RYK: variants seen among roughly 807,000 people sequenced by gnomAD.
RYK encodes the protein inactive tyrosine-protein kinase RYK.
RYK carries 21 observed loss-of-function variants against 70.2 expected under a neutral mutation model. The observed-to-expected ratio is 0.30, with a 90% CI of 0.21 to 0.43. The LOEUF (loss-of-function observed/expected upper bound fraction) is 0.43. Among genes scored for constraint, RYK ranks in the 20% least tolerant of loss-of-function variants. The probability of loss-of-function intolerance (pLI) is 1.00; values close to 1 mark genes in which losing one functional copy is unlikely to be tolerated. For missense variants in RYK, 604 were observed against 753.3 expected, an observed-to-expected ratio of 0.80 and a Z score of 2.32; for synonymous variants, 267 against 278.0, an observed-to-expected ratio of 0.96 and a Z score of 0.39.
At chr3:134,162,681 G>A (rs530001341) in intron 13 of RYK, among the ~76,000 whole-genome samples, 1 of 152,206 alleles carries the variant, frequency 6.6e-6, no homozygotes, top group Non-Finnish European at 1.5e-5. Context: ...ACTTTTTTCT[G>A]AGAAGCAACA....
chr3:134,173,301 A>G (rs547456456), intron 13 of RYK, among the ~76,000 whole-genome samples: 1 of 152,248 alleles, frequency 6.6e-6, no homozygotes, highest in Non-Finnish European at 1.5e-5. Context: ...AAATTTAAAA[A>G]TTATATAAGT....
intron 3 of RYK, among the ~76,000 whole-genome samples, chr3:134,210,042 A>G (rs1033645165): frequency 6.6e-6 from 1 of 152,236 alleles, no homozygotes; most frequent in Non-Finnish European, 1.5e-5. Flanking sequence ...TATGGATATA[A>G]AAGTTAGTAT....
At chr3:134,162,558 A>G (rs2012514984) in intron 13 of RYK, among the ~76,000 whole-genome samples, 1 of 152,148 alleles carries the variant, frequency 6.6e-6, no homozygotes, top group African/African-American at 2.4e-5. Flanking sequence ...ACCTACTGGG[A>G]CATTCTATTC....
intron 13 of RYK, among the ~76,000 whole-genome samples, chr3:134,165,268 T>C (rs890607600): frequency 1.3e-5 from 2 of 152,226 alleles, no homozygotes; most frequent in Non-Finnish European, 2.9e-5. Context: ...TTTTAGTAGC[T>C]TTTTTGTATA....
At chr3:134,223,054 T>C (rs4077643) in intron 1 of RYK, among the ~76,000 whole-genome samples, 46,647 of 152,142 alleles carry the variant, frequency 0.31, 8,601 homozygotes, top group Middle Eastern at 0.47. Flanking sequence ...GCATTTACCA[T>C]GGTACACACT....
At chr3:134,158,324 C>T in intron 14 of RYK, 60 bp from the exon 15 acceptor site, 1 of 1,108,222 alleles carries the variant, frequency 9.0e-7, no homozygotes, top group East Asian at 2.8e-5. Context: ...ATAACTTTTG[C>T]TCAGTTTGAT....
chr3:134,202,996 A>AATATGCTACTG, intron 5 of RYK, 122 bp from the exon 6 acceptor site: 2 of 740,286 alleles, frequency 2.7e-6, no homozygotes, highest in Non-Finnish European at 4.3e-6. Context: ...ATCAGTTACC[A>AATATGCTACTG]GTAGCATATT....
At chr3:134,203,354 C>T (rs2014091353) in intron 5 of RYK, among the ~76,000 whole-genome samples, 1 of 152,018 alleles carries the variant, frequency 6.6e-6, no homozygotes, top group Non-Finnish European at 1.5e-5. Flanking sequence ...CTATTCTTAC[C>T]AAAAGAGTTG....
intron 6 of RYK, chr3:134,202,486 C>G (rs1015588185): frequency 4.8e-6 from 2 of 417,598 alleles, no homozygotes; most frequent in African/African-American, 4.2e-5. Context: ...ATAGAAAAAA[C>G]TACTTGTTCT....
intron 9 of RYK, among the ~76,000 whole-genome samples, chr3:134,188,069 G>C (rs2108162075): frequency 6.6e-6 from 1 of 151,554 alleles, no homozygotes; most frequent in African/African-American, 2.4e-5. Context: ...TCAAACGCTG[G>C]CCCAAAAGAA....
intron 7 of RYK, among the ~76,000 whole-genome samples, chr3:134,193,351 T>C (rs1216994298): frequency 6.6e-6 from 1 of 152,058 alleles, no homozygotes; most frequent in African/African-American, 2.4e-5. Context: ...ACCCAGCTAA[T>C]TTTTTGTATT....
Position 134,169,087 on chromosome 3 carries a change from C to T in RYK, c.1575+6522G>A, listed in dbSNP as rs182018373. Among the ~76,000 whole-genome samples the T allele has an allele frequency of 2.8e-3, 425 of 152,226 alleles. 3 individuals carry two copies. Among genetic ancestry groups the T allele is most frequent in the Middle Eastern group, 6.8e-3 (2 of 294 alleles). ...GCACAAGCAACACATTTTGATTTGT[C>T]CTATCCCCTAAAAACTGTTCAAATA... On this transcript the variant is annotated intron_variant, in intron 13 of 14. Coordinates refer to ENST00000623711, the MANE Select transcript of RYK (RefSeq NM_002958.4).
chr3:134,235,937 CTATAGTTAG>C (rs1279351463), intron 1 of RYK, among the ~76,000 whole-genome samples: 7 of 151,818 alleles, frequency 4.6e-5, no homozygotes, highest in Admixed American at 3.9e-4. Flanking sequence ...GGTAGGTGTG[CTATAGTTAG>C]GAAATTCCAA....
At chr3:134,172,940 A>G (rs982619778) in intron 13 of RYK, among the ~76,000 whole-genome samples, 5 of 152,158 alleles carry the variant, frequency 3.3e-5, no homozygotes, top group African/African-American at 9.7e-5. Context: ...ACAACATGAA[A>G]CAGGTTGTCA....
chr3:134,203,978 T>C (rs1193833821), intron 5 of RYK, among the ~76,000 whole-genome samples: 3 of 152,234 alleles, frequency 2.0e-5, no homozygotes, highest in African/African-American at 4.8e-5. Context: ...TGCAGATCTA[T>C]ATATTCTTCA....
chr3:134,203,599 T>G (rs191982236), intron 5 of RYK, among the ~76,000 whole-genome samples: 240 of 152,258 alleles, frequency 1.6e-3, no homozygotes, highest in African/African-American at 5.4e-3. Flanking sequence ...AGTTTTGGCT[T>G]AAGCAATAAC....
At chr3:134,211,801 C>A (rs2014405317) in intron 2 of RYK, among the ~76,000 whole-genome samples, 194 bp from the exon 3 acceptor site, 1 of 152,146 alleles carries the variant, frequency 6.6e-6, no homozygotes, top group South Asian at 2.1e-4. Flanking sequence ...ACCAAGTAAG[C>A]CACCCTCTAT....
At chr3:134,230,596 A>T (rs2015028299) in intron 1 of RYK, among the ~76,000 whole-genome samples, 1 of 152,250 alleles carries the variant, frequency 6.6e-6, no homozygotes, top group Non-Finnish European at 1.5e-5. Flanking sequence ...CACTTATATA[A>T]AGTTATAGAA....
At chr3:134,250,271 C>G (rs1243952573) in intron 1 of RYK, 152 bp downstream of exon 1, 2 of 172,238 alleles carry the variant, frequency 1.2e-5, no homozygotes, top group African/African-American at 4.8e-5. Flanking sequence ...GCCAGCACGG[C>G]AGGCAGAGAC....
Sources: allele counts gnomAD v4.1 joint callset (sites outside exome capture counted in the v4.1 genomes callset), GRCh38; gene constraint gnomAD v4.1.1; transcripts MANE v1.5; gene names NCBI Gene and HGNC (gene_info 2026-07-23, HGNC 2026-07-21).